The following PPIP5K2 variants were observed in gnomAD, a reference collection of about 807,000 sequenced individuals.
The protein encoded by PPIP5K2 is diphosphoinositol pentakisphosphate kinase 2, also known as inositol hexakisphosphate and diphosphoinositol-pentakisphosphate kinase 2.
A neutral mutation model predicts 154.6 loss-of-function variants in PPIP5K2; 105 were observed. The observed-to-expected ratio is 0.68, with a 90% CI of 0.58 to 0.80. PPIP5K2 has a LOEUF of 0.80. PPIP5K2 is among the 30% of genes least tolerant of loss of function. PPIP5K2 has a pLI of 0.00. For synonymous variants in PPIP5K2, 480 were observed against 490.3 expected (o/e 0.98, Z 0.28); for missense variants, 992 against 1,504.6 (o/e 0.66, Z 5.64).
intron 21 of PPIP5K2, chr5:103,176,745 C>G (rs152134): frequency 0.27 from 150,811 of 554,496 alleles, 22,688 homozygotes; most frequent in East Asian, 0.45. Context: ...TAACTGTTGA[C>G]TATAGACTTT....
intron 21 of PPIP5K2, among the ~76,000 whole-genome samples, chr5:103,174,627 C>A (rs1176878935): frequency 6.6e-6 from 1 of 151,996 alleles, no homozygotes; most frequent in Non-Finnish European, 1.5e-5. Flanking sequence ...ACCTGAGTTC[C>A]AGGAGTGAGC....
In PPIP5K2 at chr5:103,186,454, G is replaced by A; in HGVS notation, c.3289+15G>A. ...CTGCATAGATGGTATGTGCACACAT[G>A]CACACACAGATTCATACCTACACCC... On this transcript the variant is annotated intron_variant, in intron 27 of 30. Transcript: ENST00000358359. The A allele has an allele frequency of 1.2e-6, 2 of 1,613,472 alleles. No homozygotes were observed. The highest frequency in any genetic ancestry group is 1.3e-5 in the African/African-American group (1 of 74,998).
intron 1 of PPIP5K2, among the ~76,000 whole-genome samples, chr5:103,124,982 G>A (rs1187474501): frequency 6.6e-6 from 1 of 152,196 alleles, no homozygotes; most frequent in Non-Finnish European, 1.5e-5. Flanking sequence ...AGGTCAAAAC[G>A]AATGATTCGG....
chr5:103,159,136 A>G lies in PPIP5K2; in HGVS notation c.1738-10A>G, dbSNP rs1554214770. 2 of 1,497,690 alleles carry G rather than the reference A, an allele frequency of 1.3e-6. No homozygotes were observed. Among genetic ancestry groups the G allele is most frequent in the East Asian group, 4.7e-5 (2 of 42,668 alleles). 92.8% of individuals were successfully genotyped at this position (1,497,690 alleles called of 1,614,324 possible). ...TTTAAATTCGTGTTTTCTTTATTTA[A>G]TATGCTTAGGGGCTTTTAGCTTTGG... On this transcript the variant is annotated splice_polypyrimidine_tract_variant and intron_variant, in intron 16 of 30. Coordinates refer to ENST00000358359, the MANE Select transcript of PPIP5K2 (RefSeq NM_001276277.3).
chr5:103,144,201 A>T (rs952577296), intron 5 of PPIP5K2, among the ~76,000 whole-genome samples: 3 of 152,132 alleles, frequency 2.0e-5, no homozygotes, highest in Non-Finnish European at 2.9e-5. Context: ...AAATAAATTA[A>T]ATACCTCGGA....
At chr5:103,134,170 A>T (rs2149474498) in intron 3 of PPIP5K2, among the ~76,000 whole-genome samples, 1 of 152,236 alleles carries the variant, frequency 6.6e-6, no homozygotes, top group Admixed American at 6.5e-5. Context: ...TCATATACAT[A>T]TTCATACTTT....
At chr5:103,185,991 T>C (rs1800311182) in intron 26 of PPIP5K2, among the ~76,000 whole-genome samples, 1 of 152,016 alleles carries the variant, frequency 6.6e-6, no homozygotes, top group Admixed American at 6.6e-5. Flanking sequence ...AGTCCTTTCT[T>C]GTCCTAAGTT....
intron 23 of PPIP5K2, among the ~76,000 whole-genome samples, chr5:103,179,585 G>C (rs1799201581): frequency 6.6e-6 from 1 of 152,004 alleles, no homozygotes; most frequent in Non-Finnish European, 1.5e-5. Context: ...TATTAGAAAT[G>C]TTTGGAATAG....
chr5:103,140,725 T>G (rs1186315926), intron 5 of PPIP5K2, among the ~76,000 whole-genome samples: 2 of 150,236 alleles, frequency 1.3e-5, no homozygotes, highest in African/African-American at 4.9e-5. Context: ...TAGTCCCAGC[T>G]ACTCGGGAGG....
At chr5:103,181,516 C>T (rs1237949993) in intron 24 of PPIP5K2, among the ~76,000 whole-genome samples, 5 of 151,690 alleles carry the variant, frequency 3.3e-5, no homozygotes, top group African/African-American at 9.7e-5. Context: ...TGCAGTGAGC[C>T]GAGACCACCC....
chr5:103,169,318 G>A (rs1043623586), intron 19 of PPIP5K2, among the ~76,000 whole-genome samples: 11 of 151,692 alleles, frequency 7.3e-5, no homozygotes, highest in Admixed American at 3.3e-4. Context: ...TATTCCAACC[G>A]TGGACTACAT....
At chr5:103,127,066 A>C (rs1789811915) in intron 1 of PPIP5K2, among the ~76,000 whole-genome samples, 1 of 152,114 alleles carries the variant, frequency 6.6e-6, no homozygotes, top group Non-Finnish European at 1.5e-5. Flanking sequence ...TGTATTCCAG[A>C]CTTTTTCCAA....
At chr5:103,159,715 A>T (rs1382070947) in intron 17 of PPIP5K2, among the ~76,000 whole-genome samples, 1 of 152,180 alleles carries the variant, frequency 6.6e-6, no homozygotes, top group Non-Finnish European at 1.5e-5. Context: ...ATATATATGC[A>T]TTGTGAAATG....
intron 17 of PPIP5K2, among the ~76,000 whole-genome samples, chr5:103,161,412 A>G (rs1323156113): frequency 2.0e-5 from 3 of 152,200 alleles, no homozygotes; most frequent in Admixed American, 6.5e-5. Flanking sequence ...TGGTGCCACA[A>G]TAAACATACG....
chr5:103,155,784 AC>A, intron 13 of PPIP5K2, 124 bp from the exon 14 acceptor site: 1 of 714,594 alleles, frequency 1.4e-6, no homozygotes, highest in Non-Finnish European at 2.4e-6. Flanking sequence ...TATATATGGT[AC>A]AATTTTTTTT....
At chr5:103,145,649 T>C (rs1190786573) in intron 5 of PPIP5K2, among the ~76,000 whole-genome samples, 1 of 151,626 alleles carries the variant, frequency 6.6e-6, no homozygotes, top group South Asian at 2.1e-4. Flanking sequence ...AAAGAAAGAT[T>C]GCATGTTTTC....
chr5:103,193,715 T>C (rs1801627365), intron 29 of PPIP5K2, among the ~76,000 whole-genome samples: 1 of 152,152 alleles, frequency 6.6e-6, no homozygotes, highest in Non-Finnish European at 1.5e-5. Flanking sequence ...TTCAGTTAAA[T>C]GAATAATCAT....
chr5:103,131,266 A>C (rs1554202570), intron 2 of PPIP5K2, among the ~76,000 whole-genome samples: 1 of 152,194 alleles, frequency 6.6e-6, no homozygotes, highest in Non-Finnish European at 1.5e-5. Context: ...TTCTTTTTAT[A>C]AAATTATGTG....
intron 9 of PPIP5K2, among the ~76,000 whole-genome samples, chr5:103,152,287 A>T (rs1291790960): frequency 6.6e-6 from 1 of 151,962 alleles, no homozygotes; most frequent in Non-Finnish European, 1.5e-5. Context: ...AGCATTATAG[A>T]TGTTCAATAA....
Sources: allele counts gnomAD v4.1 joint callset (sites outside exome capture counted in the v4.1 genomes callset), GRCh38; gene constraint gnomAD v4.1.1; transcripts MANE v1.5; gene names NCBI Gene and HGNC (gene_info 2026-07-23, HGNC 2026-07-21).